KCNK10: variants seen among roughly 807,000 people sequenced by gnomAD.
KCNK10 encodes potassium channel subfamily K member 10.
A neutral mutation model predicts 47.7 loss-of-function variants in KCNK10; 25 were observed. The observed-to-expected ratio is 0.52, with a 90% CI of 0.38 to 0.73. The LOEUF (loss-of-function observed/expected upper bound fraction) is 0.73. Among genes scored for constraint, KCNK10 ranks in the 30% least tolerant of loss-of-function variants. The pLI, the probability that KCNK10 is intolerant of heterozygous loss-of-function variation, is 0.00. For synonymous variants in KCNK10, 303 were observed against 285.6 expected (o/e 1.06, Z -0.61); for missense variants, 563 against 714.5 (o/e 0.79, Z 2.42).
At chr14:88,244,743 A>T (rs558069609) in intron 2 of KCNK10, among the ~76,000 whole-genome samples, 3 of 152,212 alleles carry the variant, frequency 2.0e-5, no homozygotes, top group Admixed American at 6.5e-5. Context: ...ATGTATGAGC[A>T]CACAGATGAT....
At chr14:88,264,412 CTTA>C (rs1405477613) in intron 1 of KCNK10, among the ~76,000 whole-genome samples, 4 of 152,308 alleles carry the variant, frequency 2.6e-5, no homozygotes, top group South Asian at 4.1e-4. Flanking sequence ...TATTCCAACT[CTTA>C]TTATAGTCTC....
In KCNK10 at chr14:88,244,542, G is replaced by A. The variant is rs188217293; in HGVS notation, c.403-3722C>T. ...ATATTAGCCAGGCGTGGTGGCGGGC[G>A]CTGTAGTCCCAGCTACTCGGGAGGC... On this transcript the variant is annotated intron_variant, in intron 2 of 6. Transcript: ENST00000319231. Among the ~76,000 whole-genome samples the A allele has an allele frequency of 1.4e-3, 217 of 151,908 alleles. 1 individual carries two copies. Among genetic ancestry groups the A allele is most frequent in the African/African-American group, 4.6e-3 (192 of 41,384 alleles).
chr14:88,204,404 G>A (rs531060533), intron 4 of KCNK10, among the ~76,000 whole-genome samples: 2 of 152,274 alleles, frequency 1.3e-5, no homozygotes, highest in East Asian at 3.9e-4. Flanking sequence ...GAGCCTTCAG[G>A]ATCCCAGGAA....
At chr14:88,225,245 C>T (rs1272583741) in intron 4 of KCNK10, among the ~76,000 whole-genome samples, 1 of 152,252 alleles carries the variant, frequency 6.6e-6, no homozygotes, top group Non-Finnish European at 1.5e-5. Context: ...TTACATTCCC[C>T]CTGGAATTCG....
intron 4 of KCNK10, among the ~76,000 whole-genome samples, chr14:88,197,745 C>T (rs764067300): frequency 6.6e-5 from 10 of 151,364 alleles, no homozygotes; most frequent in Non-Finnish European, 1.3e-4. Context: ...TCATTCTGCA[C>T]ATAATTATTT....
intron 1 of KCNK10, among the ~76,000 whole-genome samples, chr14:88,303,960 T>C (rs1387385702): frequency 6.6e-6 from 1 of 152,070 alleles, no homozygotes; most frequent in African/African-American, 2.4e-5. Flanking sequence ...ATAATTTGAG[T>C]TCCTTGTGCC....
chr14:88,197,035 A>G (rs1199884830), intron 4 of KCNK10, among the ~76,000 whole-genome samples: 1 of 152,236 alleles, frequency 6.6e-6, no homozygotes, highest in African/African-American at 2.4e-5. Flanking sequence ...GGAACCTTCA[A>G]GAAGCCTACT....
chr14:88,249,950 G>C (rs977382955), intron 2 of KCNK10, among the ~76,000 whole-genome samples: 3 of 152,034 alleles, frequency 2.0e-5, no homozygotes, highest in African/African-American at 7.2e-5. Flanking sequence ...TGAATACATT[G>C]TATTGTGATA....
chr14:88,289,574 C>A (rs1396232890), intron 1 of KCNK10, among the ~76,000 whole-genome samples: 1 of 152,208 alleles, frequency 6.6e-6, no homozygotes, highest in Non-Finnish European at 1.5e-5. Context: ...CTTGTGTGAT[C>A]TGCTCCTCTT....
At chr14:88,281,835 T>TGA (rs1399845832) in intron 1 of KCNK10, among the ~76,000 whole-genome samples, 1 of 146,698 alleles carries the variant, frequency 6.8e-6, no homozygotes, top group African/African-American at 2.6e-5. Context: ...TACATTTGTG[T>TGA]GTGTGTGTGT....
intron 3 of KCNK10, among the ~76,000 whole-genome samples, chr14:88,239,719 C>T (rs1019991883): frequency 7.9e-5 from 12 of 151,866 alleles, no homozygotes; most frequent in African/African-American, 2.4e-4. Context: ...ATTAGCTAGG[C>T]ATGGTGGTGG....
At chr14:88,228,845 T>C (rs1886068405) in intron 3 of KCNK10, among the ~76,000 whole-genome samples, 1 of 152,242 alleles carries the variant, frequency 6.6e-6, no homozygotes, top group Non-Finnish European at 1.5e-5. Flanking sequence ...TTCCTCATCT[T>C]GTATTTCCTT....
chr14:88,286,978 A>T (rs1315468968), intron 1 of KCNK10, among the ~76,000 whole-genome samples: 1 of 152,200 alleles, frequency 6.6e-6, no homozygotes, highest in Non-Finnish European at 1.5e-5. Context: ...TTGCTCATTT[A>T]TTGTTCATTA....
At chr14:88,192,435 AG>A in intron 4 of KCNK10, 25 bp from the exon 5 acceptor site, 1 of 1,601,642 alleles carries the variant, frequency 6.2e-7, no homozygotes, top group Non-Finnish European at 8.5e-7. Flanking sequence ...GGAGAAAGAT[AG>A]GCAAGTCAGC....
In KCNK10 at chr14:88,270,466, T is replaced by C. The variant is rs532602762; in HGVS notation, c.53-6915A>G. On this transcript the variant is annotated intron_variant, in intron 1 of 6. Transcript: ENST00000319231. ...CAGTAAGAATGGCAGTAACACTAAG[T>C]CTGTATGCACTAAGAGAGCAAGCCA... 4.6e-5 allele frequency among the ~76,000 whole-genome samples: 7 copies of C among 152,236 alleles called. No individual in the cohort carries two copies. The South Asian group carries it at 1.2e-3, about 27-fold the overall frequency.
chr14:88,251,700 T>C (rs189879991), intron 2 of KCNK10, among the ~76,000 whole-genome samples: 45 of 152,374 alleles, frequency 3.0e-4, no homozygotes, highest in African/African-American at 1.1e-3. Flanking sequence ...ACTGAAAACA[T>C]AACTGTAAGC....
rs150711359 is a variant in KCNK10 at position 88,199,930 on chromosome 14, T to C, written c.682-7520A>G. Among the ~76,000 whole-genome samples, 1,428 of 152,362 alleles carry C rather than the reference T, an allele frequency of 9.4e-3. 9 individuals are homozygous for C. The highest frequency in any genetic ancestry group is 0.015 in the Non-Finnish European group (1,000 of 68,030). On this transcript the variant is annotated intron_variant, in intron 4 of 6. Coordinates refer to ENST00000319231, the MANE Select transcript of KCNK10 (RefSeq NM_138317.3). ...TACCTGGGTATTGCTGGATAAGCAG[T>C]AAACAACGCCCTTCCCAATAGACAG...
chr14:88,281,228 T>C (rs1239292269), intron 1 of KCNK10, among the ~76,000 whole-genome samples: 1 of 152,214 alleles, frequency 6.6e-6, no homozygotes, highest in Non-Finnish European at 1.5e-5. Flanking sequence ...TTCCCATTCT[T>C]TGGGTCTCAG....
At chr14:88,298,512 T>C (rs1216451389) in intron 1 of KCNK10, among the ~76,000 whole-genome samples, 1 of 152,162 alleles carries the variant, frequency 6.6e-6, no homozygotes, top group Non-Finnish European at 1.5e-5. Flanking sequence ...CCTCTCCTCC[T>C]CGTAATTTCG....
Sources: gnomAD v4.1 joint callset for allele counts (sites outside exome capture counted in the v4.1 genomes callset) on GRCh38, gnomAD v4.1.1 for gene constraint, MANE v1.5 for transcripts, NCBI Gene and HGNC (gene_info 2026-07-23, HGNC 2026-07-21) for gene names.